Variants in MTTP observed in about 807,000 individuals in gnomAD.
MTTP encodes the protein microsomal triglyceride transfer protein.
Under a neutral mutation model 90.6 loss-of-function variants are expected in MTTP, and 49 were observed. The ratio of observed to expected loss-of-function variants is 0.54; its 90% confidence interval spans 0.43 to 0.69. The LOEUF is 0.69. Ranked by LOEUF, MTTP falls within the 30% of genes least tolerant of loss-of-function variation. The probability of loss-of-function intolerance (pLI) is 0.00; values close to 1 mark genes in which losing one functional copy is unlikely to be tolerated. For synonymous variants in MTTP, 347 were observed against 384.2 expected, an observed-to-expected ratio of 0.90 and a Z score of 1.13; for missense variants, 945 against 1,067.5, an observed-to-expected ratio of 0.89 and a Z score of 1.60.
chr4:99,586,112 C>T (rs1369696479), intron 3 of MTTP, among the ~76,000 whole-genome samples: 1 of 152,058 alleles, frequency 6.6e-6, no homozygotes, highest in Non-Finnish European at 1.5e-5. Context: ...CCAGACCTCC[C>T]CCTGTCTCCC....
At chr4:99,610,593 G>A (rs549864757) in intron 12 of MTTP, among the ~76,000 whole-genome samples, 1 of 152,284 alleles carries the variant, frequency 6.6e-6, no homozygotes, top group Admixed American at 6.5e-5. Context: ...CAAGATGGAC[G>A]CAATGGGGTA....
intron 10 of MTTP, 59 bp from the exon 11 acceptor site, chr4:99,606,689 T>A: frequency 6.4e-7 from 1 of 1,552,884 alleles, no homozygotes. Context: ...AAAGCCAGTC[T>A]CACCCAAGTC....
chr4:99,594,074 T>G (rs1404200782), intron 6 of MTTP, among the ~76,000 whole-genome samples: 1 of 152,216 alleles, frequency 6.6e-6, no homozygotes, highest in African/African-American at 2.4e-5. Flanking sequence ...TTTATTTCCC[T>G]GTCGCCTCTC....
chr4:99,588,581 T>C (rs1213294496), intron 3 of MTTP, among the ~76,000 whole-genome samples: 1 of 151,736 alleles, frequency 6.6e-6, no homozygotes, highest in African/African-American at 2.4e-5. Context: ...GTCACCCTCC[T>C]CATTTCAACC....
At chr4:99,594,663 A>G in intron 6 of MTTP, 70 bp from the exon 7 acceptor site, 2 of 1,559,792 alleles carry the variant, frequency 1.3e-6, no homozygotes, top group African/African-American at 2.7e-5. Context: ...TTGCCAAAAG[A>G]ATGGCAATTA....
intron 10 of MTTP, among the ~76,000 whole-genome samples, chr4:99,604,258 C>G (rs1193428352): frequency 6.6e-6 from 1 of 152,162 alleles, no homozygotes; most frequent in African/African-American, 2.4e-5. Context: ...CTGTGTAGTT[C>G]TATAGCCTTT....
chr4:99,610,973 G>T (rs1442105985), intron 12 of MTTP, among the ~76,000 whole-genome samples, 170 bp from the exon 13 acceptor site: 1 of 152,124 alleles, frequency 6.6e-6, no homozygotes, highest in Non-Finnish European at 1.5e-5. Context: ...GAAGGGGCTA[G>T]CCCTAATCCT....
At position 99,608,763 on chromosome 4, in the gene MTTP, C is replaced by G; in HGVS notation, c.1558-3C>G. ...GCACTAAGTTTGAACATCTTATGAA[C>G]AGGTGAAGAAGACCTTAAACAGAAT... On this transcript the variant is annotated splice_region_variant and splice_polypyrimidine_tract_variant and intron_variant, in intron 11 of 17. Transcript: ENST00000265517. The G allele has an allele frequency of 6.2e-7, 1 of 1,611,622 alleles. No homozygotes were observed. The highest frequency in any genetic ancestry group is 8.5e-7 in the Non-Finnish European group (1 of 1,177,752).
intron 1 of MTTP, among the ~76,000 whole-genome samples, chr4:99,565,050 C>G (rs377700249): frequency 7.0e-4 from 107 of 152,242 alleles, no homozygotes; most frequent in African/African-American, 2.3e-3. Context: ...TCTGGATCCA[C>G]TTCTGATCTG....
chr4:99,611,108 G>C, intron 12 of MTTP, 35 bp from the exon 13 acceptor site: 1 of 1,583,942 alleles, frequency 6.3e-7, no homozygotes, highest in Non-Finnish European at 8.7e-7. Flanking sequence ...TCATTACAAT[G>C]AATGTGCAGC....
intron 3 of MTTP, among the ~76,000 whole-genome samples, chr4:99,585,558 C>A (rs1180525815): frequency 6.6e-6 from 1 of 152,034 alleles, no homozygotes; most frequent in Non-Finnish European, 1.5e-5. Context: ...TTGTTATTTT[C>A]TTCTCTGAGC....
At chr4:99,599,699 T>A (rs1044910934) in intron 8 of MTTP, among the ~76,000 whole-genome samples, 1 of 152,174 alleles carries the variant, frequency 6.6e-6, no homozygotes, top group African/African-American at 2.4e-5. Flanking sequence ...ACACATAAAA[T>A]TTTTAGTACA....
chr4:99,576,802 C>T (rs1414123186), intron 1 of MTTP, among the ~76,000 whole-genome samples: 1 of 151,516 alleles, frequency 6.6e-6, no homozygotes, highest in African/African-American at 2.4e-5. Context: ...TTATAGGTAG[C>T]TACAGTTTAT....
chr4:99,568,738 C>T (rs1010798027), intron 1 of MTTP, among the ~76,000 whole-genome samples: 1 of 152,068 alleles, frequency 6.6e-6, no homozygotes, highest in African/African-American at 2.4e-5. Context: ...CCAAACAAAA[C>T]ACATTTATGG....
At chr4:99,583,704 C>A in intron 3 of MTTP, 187 bp downstream of exon 3, 8 of 688,312 alleles carry the variant, frequency 1.2e-5, no homozygotes, top group South Asian at 1.9e-5. Flanking sequence ...AGTTCCCTTA[C>A]ATTTACTAGC....
At chr4:99,588,354 A>G (rs1725309116) in intron 3 of MTTP, among the ~76,000 whole-genome samples, 1 of 152,148 alleles carries the variant, frequency 6.6e-6, no homozygotes. Context: ...GGGAACATGT[A>G]TCTATCCTCT....
At chr4:99,567,986 A>G (rs1271234667) in intron 1 of MTTP, among the ~76,000 whole-genome samples, 1 of 152,182 alleles carries the variant, frequency 6.6e-6, no homozygotes, top group Non-Finnish European at 1.5e-5. Context: ...AAAAAAGTGG[A>G]TGAAAACTGT....
At position 99,598,403 on chromosome 4, in the gene MTTP, G is replaced by T. The variant is rs181851444; in HGVS notation, c.1067+1179G>T. ...ACTGAGAATAAAAGTGGAATAATTA[G>T]GTATTAATTTAGAATAGAGATTACA... On this transcript the variant is annotated intron_variant, in intron 8 of 17. Coordinates refer to ENST00000265517, the MANE Select transcript of MTTP (RefSeq NM_001386140.1). Among the ~76,000 whole-genome samples, 389 of 152,058 alleles carry T rather than the reference G, an allele frequency of 2.6e-3. 1 individual carries two copies. Among genetic ancestry groups the T allele is most frequent in the African/African-American group, 8.6e-3 (356 of 41,492 alleles).
intron 3 of MTTP, among the ~76,000 whole-genome samples, chr4:99,587,962 T>C (rs1321230612): frequency 6.6e-6 from 1 of 152,182 alleles, no homozygotes; most frequent in Non-Finnish European, 1.5e-5. Flanking sequence ...ACTGAGGTCA[T>C]TATTCCAGTT....
Sources: gnomAD v4.1 joint callset for allele counts (sites outside exome capture counted in the v4.1 genomes callset) on GRCh38, gnomAD v4.1.1 for gene constraint, MANE v1.5 for transcripts, NCBI Gene and HGNC (gene_info 2026-07-23, HGNC 2026-07-21) for gene names.